The following CADPS2 variants were observed in gnomAD, a reference collection of about 807,000 sequenced individuals.
CADPS2 encodes the protein calcium dependent secretion activator 2.
In CADPS2, 93 loss-of-function variants were observed where a neutral mutation model predicts 172.5. The ratio of observed to expected loss-of-function variants is 0.54; its 90% confidence interval spans 0.46 to 0.64. The LOEUF is 0.64. CADPS2 is among the 30% of genes least tolerant of loss of function. The pLI is 0.00. For missense variants in CADPS2, 1,420 were observed against 1,565.9 expected, an observed-to-expected ratio of 0.91 and a Z score of 1.57; for synonymous variants, 546 against 555.2, an observed-to-expected ratio of 0.98 and a Z score of 0.23.
intron 29 of CADPS2, among the ~76,000 whole-genome samples, chr7:122,322,706 CA>C (rs751610642): frequency 3.9e-5 from 6 of 152,194 alleles, no homozygotes; most frequent in Non-Finnish European, 7.4e-5. Flanking sequence ...CAAATAATTT[CA>C]GTCTTTAATT....
Position 122,683,057 on chromosome 7 carries a change from C to A in CADPS2, c.454-19488G>T, listed in dbSNP as rs191328354. 4.2e-3 allele frequency among the ~76,000 whole-genome samples: 642 copies of A among 152,252 alleles called. 22 individuals carry two copies. Among genetic ancestry groups the A allele is most frequent in the Admixed American group, 0.04 (608 of 15,288 alleles). ...CCCTGTCCTCTTGGTTCTTGTCTGG[C>A]GTCCAGGAAGAATCAGGTCACATGA... is the stretch of plus-strand genomic sequence containing the variant. On this transcript the variant is annotated intron_variant, in intron 2 of 29. Coordinates refer to ENST00000449022, the MANE Select transcript of CADPS2 (RefSeq NM_017954.11).
intron 1 of CADPS2, among the ~76,000 whole-genome samples, chr7:122,750,375 A>G (rs2138356849): frequency 6.6e-6 from 1 of 152,276 alleles, no homozygotes; most frequent in East Asian, 1.9e-4. Context: ...TATTTAACTA[A>G]AATTCAAATA....
In CADPS2 at chr7:122,814,978, G is replaced by A. The variant is rs78037971; in HGVS notation, c.339+71021C>T. On this transcript the variant is annotated intron_variant, in intron 1 of 29. Transcript: ENST00000449022. ...AGCTGTGTGGAATTATTCCTAGGTC[G>A]GCCCCAGAACTCTTGCACAAAGAAC... Among the ~76,000 whole-genome samples the A allele has an allele frequency of 1.6e-3, 236 of 152,036 alleles. 3 individuals are homozygous for A. The East Asian group carries it at 0.029, about 19-fold the overall frequency.
chr7:122,885,653 G>C (rs1824147266), intron 1 of CADPS2, among the ~76,000 whole-genome samples: 1 of 152,160 alleles, frequency 6.6e-6, no homozygotes, highest in Non-Finnish European at 1.5e-5. Context: ...GAATGCACCA[G>C]TGCTGTTGGA....
intron 25 of CADPS2, chr7:122,366,656 C>CGTATATAT (rs2040914069): frequency 6.1e-5 from 8 of 131,806 alleles, no homozygotes; most frequent in Non-Finnish European, 3.2e-5. Context: ...CATATATATA[C>CGTATATAT]ATACACACAT....
chr7:122,714,894 T>C (rs138637116), intron 2 of CADPS2, among the ~76,000 whole-genome samples: 1 of 152,228 alleles, frequency 6.6e-6, no homozygotes, highest in East Asian at 1.9e-4. Flanking sequence ...GTAGACACTA[T>C]CAGAATCTCG....
At chr7:122,648,910 T>C (rs980599366) in intron 3 of CADPS2, among the ~76,000 whole-genome samples, 1 of 152,130 alleles carries the variant, frequency 6.6e-6, no homozygotes, top group South Asian at 2.1e-4. Context: ...TTGGAGAGAT[T>C]ACCTGAAGGG....
At chr7:122,414,724 T>A (rs1386607843) in intron 18 of CADPS2, among the ~76,000 whole-genome samples, 1 of 152,210 alleles carries the variant, frequency 6.6e-6, no homozygotes, top group Non-Finnish European at 1.5e-5. Flanking sequence ...AGATATCATA[T>A]TTATAACCAG....
intron 1 of CADPS2, among the ~76,000 whole-genome samples, chr7:122,800,603 G>C (rs1244969064): frequency 6.6e-6 from 1 of 152,072 alleles, no homozygotes; most frequent in South Asian, 2.1e-4. Context: ...CCTAGATCAT[G>C]AAGTAAAAAA....
In CADPS2 at chr7:122,734,356, T is replaced by TAAAAAAAAAAAAAAAAAAAAAAAAAAAA. The variant is rs558421546; in HGVS notation, c.453+2571_453+2598dup. 4.8e-4 allele frequency among the ~76,000 whole-genome samples: 22 copies of TAAAAAAAAAAAAAAAAAAAAAAAAAAAA among 46,280 alleles called. 2 individuals are homozygous for TAAAAAAAAAAAAAAAAAAAAAAAAAAAA. The highest frequency in any genetic ancestry group is 1.3e-3 in the African/African-American group (14 of 11,120). The allele number at this position is 46,280 out of a possible 152,430, so 30.4% of individuals were successfully genotyped here. On this transcript the variant is annotated intron_variant, in intron 2 of 29. Transcript: ENST00000449022. ...AATAACGATAGCATGCCAGAAATAGTAAAAAAAAAAAAAAAAAAAAAAAAA... is the reference window on the plus strand; with the variant it reads ...AATAACGATAGCATGCCAGAAATAGTAAAAAAAAAAAAAAAAAAAAAAAAAAAAAAAAAAAAAAAAAAAAAAAAAAAAA...
chr7:122,746,771 C>A (rs2092735543), intron 1 of CADPS2, among the ~76,000 whole-genome samples: 1 of 152,044 alleles, frequency 6.6e-6, no homozygotes, highest in Non-Finnish European at 1.5e-5. Context: ...TTCCCCTTAC[C>A]CACTGTTATA....
At chr7:122,614,963 T>A (rs2074728892) in intron 6 of CADPS2, among the ~76,000 whole-genome samples, 1 of 152,224 alleles carries the variant, frequency 6.6e-6, no homozygotes, top group South Asian at 2.1e-4. Context: ...CATGTTGGAT[T>A]TTCTGTTTGT....
intron 2 of CADPS2, among the ~76,000 whole-genome samples, chr7:122,696,881 T>A (rs1040658353): frequency 6.6e-6 from 1 of 152,164 alleles, no homozygotes; most frequent in Non-Finnish European, 1.5e-5. Context: ...TCAAAAATAC[T>A]CGAGTGCCAG....
At chr7:122,729,549 A>G (rs937543943) in intron 2 of CADPS2, among the ~76,000 whole-genome samples, 2 of 151,704 alleles carry the variant, frequency 1.3e-5, no homozygotes, top group African/African-American at 4.8e-5. Flanking sequence ...TGCCTTTTTA[A>G]TAATAGCCAT....
At chr7:122,694,613 T>C (rs1287735844) in intron 2 of CADPS2, among the ~76,000 whole-genome samples, 20 of 152,138 alleles carry the variant, frequency 1.3e-4, no homozygotes, top group Admixed American at 1.3e-3. Context: ...AGAATAACAC[T>C]TACTGGTAGG....
chr7:122,474,393 G>A lies in CADPS2; in HGVS notation c.1986C>T (p.Ser662=). 1 of 1,613,336 alleles carries A rather than the reference G, an allele frequency of 6.2e-7. No individual in the cohort carries two copies. Among genetic ancestry groups the A allele is most frequent in the Non-Finnish European group, 8.5e-7 (1 of 1,179,584 alleles). ...RQTLDHRLND[S]YSCLGWFSPG... ...GACTTGTACTCACCAAGCAAGAATA[G>A]GAATCATTCAGTCTGTGATCCAAAG... Residue 662 remains serine, a synonymous_variant, in exon 13 of 30, where the codon TCC becomes TCT. Coordinates refer to ENST00000449022, the MANE Select transcript of CADPS2 (RefSeq NM_017954.11).
chr7:122,669,178 A>C (rs1344840847), intron 2 of CADPS2, among the ~76,000 whole-genome samples: 3 of 151,974 alleles, frequency 2.0e-5, no homozygotes, highest in Admixed American at 1.3e-4. Flanking sequence ...AAAAATACAA[A>C]AAATTAGCCG....
chr7:122,838,181 C>T (rs1476918458), intron 1 of CADPS2, among the ~76,000 whole-genome samples: 2 of 152,156 alleles, frequency 1.3e-5, no homozygotes, highest in Admixed American at 6.5e-5. Flanking sequence ...ACAAAAACCA[C>T]ATGATTATCT....
At chr7:122,480,555 T>C (rs2057167121) in intron 12 of CADPS2, among the ~76,000 whole-genome samples, 1 of 152,212 alleles carries the variant, frequency 6.6e-6, no homozygotes, top group Admixed American at 6.5e-5. Flanking sequence ...ATACCGCATG[T>C]ATAACTTAGC....
Sources: gnomAD v4.1 joint callset for allele counts (sites outside exome capture counted in the v4.1 genomes callset) on GRCh38, gnomAD v4.1.1 for gene constraint, MANE v1.5 for transcripts, NCBI Gene and HGNC (gene_info 2026-07-23, HGNC 2026-07-21) for gene names.